The following PREPL variants were observed in gnomAD, a reference collection of about 807,000 sequenced individuals.
PREPL encodes prolyl endopeptidase-like.
A neutral mutation model predicts 70.6 loss-of-function variants in PREPL; 77 were observed. The ratio of observed to expected loss-of-function variants is 1.09; its 90% CI spans 0.91 to 1.32. PREPL has a LOEUF of 1.32. PREPL is among the 40% of genes most tolerant of loss of function. PREPL has a pLI of 0.00. For synonymous variants in PREPL, 315 were observed against 264.8 expected, an observed-to-expected ratio of 1.19 and a Z score of -1.84; for missense variants, 1,002 against 778.2, an observed-to-expected ratio of 1.29 and a Z score of -3.42.
intron 5 of PREPL, 86 bp from the exon 6 acceptor site, chr2:44,339,449 T>A: frequency 6.6e-7 from 1 of 1,519,036 alleles, no homozygotes; most frequent in South Asian, 1.2e-5. Flanking sequence ...AGGTGGTCAG[T>A]ATACATGTTG....
At chr2:44,348,437 T>C (rs1284713579) in intron 1 of PREPL, among the ~76,000 whole-genome samples, 1 of 152,188 alleles carries the variant, frequency 6.6e-6, no homozygotes, top group Non-Finnish European at 1.5e-5. Context: ...GGATTGTCTG[T>C]TCTGTAATTT....
intron 1 of PREPL, among the ~76,000 whole-genome samples, chr2:44,357,994 A>C (rs1677230774): frequency 6.6e-6 from 1 of 152,212 alleles, no homozygotes; most frequent in South Asian, 2.1e-4. Flanking sequence ...GTCTAGGAAG[A>C]CTAGGGGGCT....
intron 11 of PREPL, 99 bp from the exon 12 acceptor site, chr2:44,322,953 A>T: frequency 3.4e-6 from 5 of 1,468,834 alleles, no homozygotes; most frequent in Non-Finnish European, 4.6e-6. Flanking sequence ...TTTTCCCTGT[A>T]AGTGCTCTAT....
rs112927329 is a variant in PREPL, at chr2:44,355,751, TTATATATA to T, written c.-49+5621_-49+5628del. ...TTTGCAAGATATACAAAACTACATA[TTATATATA>T]TATATATATATATATATATACACAC... On this transcript the variant is annotated intron_variant, in intron 1 of 13. Transcript: ENST00000409411. Among the ~76,000 whole-genome samples the T allele has an allele frequency of 5.2e-3, 735 of 141,378 alleles. 7 individuals are homozygous for T. Among genetic ancestry groups the T allele is most frequent in the African/African-American group, 0.018 (682 of 37,774 alleles). 92.7% of individuals were successfully genotyped at this position (141,378 alleles called of 152,430 possible).
Position 44,320,258 on chromosome 2 carries a change from T to G in PREPL, c.*1098A>C, listed in dbSNP as rs753053956. ...TATATCAAGATTTAAGTCTACTTCA[T>G]GCCAATGAGCTACTCCTCAACAGGG... is the stretch of plus-strand genomic sequence containing the variant. On this transcript the variant is annotated 3_prime_UTR_variant, in exon 14 of 14. Transcript: ENST00000409411. 2 of 1,614,120 alleles carry G rather than the reference T, an allele frequency of 1.2e-6. No homozygotes were observed. The highest frequency in any genetic ancestry group is 1.1e-5 in the South Asian group (1 of 91,084).
At chr2:44,344,061 C>A in intron 3 of PREPL, 110 bp from the exon 4 acceptor site, 1 of 1,281,246 alleles carries the variant, frequency 7.8e-7, no homozygotes, top group Non-Finnish European at 1.0e-6. Flanking sequence ...GAGGCCATAT[C>A]CTAGCTTCTT....
chr2:44,322,759 G>A lies in PREPL; in HGVS notation c.1725C>T (p.Ile575=), dbSNP rs775908458. 9.9e-6 allele frequency: 16 copies of A among 1,613,696 alleles called. No homozygotes were observed. The highest frequency in any genetic ancestry group is 5.0e-5 in the Admixed American group (3 of 59,968). ...VSYTEKLKEA[I]AEHAKDTGEG... ...CACCTGTGTCCTTAGCATGCTCCGC[G>A]ATGGCTTCCTTGAGTTTCTCAGTAT... The change falls in exon 12 of 14, where the codon ATC becomes ATT. Residue 575 remains isoleucine (I), a synonymous_variant. Transcript: ENST00000409411.
At chr2:44,327,893 AAAGGACATGATTTTGG>A (rs953137861) in intron 9 of PREPL, among the ~76,000 whole-genome samples, 5 of 151,818 alleles carry the variant, frequency 3.3e-5, no homozygotes, top group African/African-American at 1.2e-4. Context: ...AAAAAAAATA[AAAGGACATGATTTTGG>A]AAGGCTGAGG....
intron 10 of PREPL, among the ~76,000 whole-genome samples, 191 bp from the exon 11 acceptor site, chr2:44,323,602 G>T (rs948170756): frequency 6.6e-6 from 1 of 152,124 alleles, no homozygotes; most frequent in African/African-American, 2.4e-5. Context: ...AAAGTCTTCA[G>T]ATTCCTTAAA....
chr2:44,342,389 G>T, intron 5 of PREPL, 28 bp downstream of exon 5: 2 of 1,563,012 alleles, frequency 1.3e-6, no homozygotes, highest in Non-Finnish European at 1.7e-6. Context: ...GTTCTGGAGA[G>T]AAAGATTTAA....
Position 44,332,585 on chromosome 2 carries a change from G to A in PREPL, c.960C>T (p.Cys320=). The A allele has an allele frequency of 6.2e-7, 1 of 1,613,900 alleles. No individual in the cohort carries two copies. The highest frequency in any genetic ancestry group is 8.5e-7 in the Non-Finnish European group (1 of 1,179,770). The stretch of plus-strand genomic sequence containing the variant: ...AATATTTTGGGGGACGTATTGGAGA[G>A]CAAAGTTGAAAGGGGCAGTTCTTTG... ...SDPKNCPFQL[C]SPIRPPKYYT... Residue 320 remains cysteine, a synonymous_variant, in exon 8 of 14, where the codon TGC becomes TGT. Coordinates refer to ENST00000409411, the MANE Select transcript of PREPL (RefSeq NM_001171613.2).
intron 1 of PREPL, 51 bp from the exon 2 acceptor site, chr2:44,346,441 C>A (rs1429667063): frequency 3.2e-6 from 5 of 1,575,130 alleles, no homozygotes; most frequent in South Asian, 1.1e-5. Context: ...GGAAAAAAAA[C>A]TTTTGCTTTT....
chr2:44,343,684 A>G, intron 4 of PREPL, 61 bp downstream of exon 4: 2 of 1,485,820 alleles, frequency 1.3e-6, no homozygotes, highest in Non-Finnish European at 1.9e-6. Flanking sequence ...CGACAAAAAA[A>G]TGTTTCAAAA....
intron 1 of PREPL, among the ~76,000 whole-genome samples, chr2:44,353,172 G>C (rs966438438): frequency 6.6e-6 from 1 of 152,208 alleles, no homozygotes; most frequent in East Asian, 1.9e-4. Context: ...GAAAGGTACT[G>C]TGAATGAGGC....
intron 10 of PREPL, among the ~76,000 whole-genome samples, chr2:44,323,843 G>A (rs908212468): frequency 6.6e-6 from 1 of 152,130 alleles, no homozygotes; most frequent in Admixed American, 6.5e-5. Flanking sequence ...TAAAATGGGG[G>A]AGCTGCTTTG....
At position 44,328,975 on chromosome 2, in the gene PREPL, C is replaced by G. The variant is rs2103786137; in HGVS notation, c.1224G>C (p.Leu408=). ...KMNFRPERRV[L]VDDGWILAYC... is the part of the protein sequence containing the mutation. ...ATGCTAATATCCATCCATCATCCAC[C>G]AGGACCCGCCTCTCAGGCCTGAAAT... The change falls in exon 9 of 14, where the codon CTG becomes CTC. Residue 408 remains leucine, a synonymous_variant. Transcript: ENST00000409411. 3.1e-6 allele frequency: 5 copies of G among 1,613,920 alleles called. No homozygotes were observed. The highest frequency in any genetic ancestry group is 4.2e-6 in the Non-Finnish European group (5 of 1,179,916).
Position 44,320,580 on chromosome 2 carries a change from T to C in PREPL, c.*776A>G. Reference sequence around the variant, plus strand: ...CCAAACAGCTTTCAGAGATAGATGCTTTGTTTCCAATCGAGCATGCTATTC... The same window carrying C: ...CCAAACAGCTTTCAGAGATAGATGCCTTGTTTCCAATCGAGCATGCTATTC... On this transcript the variant is annotated 3_prime_UTR_variant, in exon 14 of 14. Coordinates refer to ENST00000409411, the MANE Select transcript of PREPL (RefSeq NM_001171613.2). The C allele has an allele frequency of 6.2e-7, 1 of 1,614,056 alleles. No homozygotes were observed.
intron 10 of PREPL, among the ~76,000 whole-genome samples, chr2:44,326,048 C>G (rs1327691218): frequency 6.6e-6 from 1 of 152,206 alleles, no homozygotes; most frequent in Non-Finnish European, 1.5e-5. Context: ...AGTAGCCTGT[C>G]AAGGTGACCA....
rs760492008 is a variant in PREPL at position 44,343,870 on chromosome 2, G to A, written c.224C>T (p.Ala75Val). ...GGCAGCCACATATTTTTCATCTGGA[G>A]CAACTCTGATACAATCAATGAAGGG... is the stretch of plus-strand genomic sequence containing the variant. ...DQPFIDCIRV[A>V]PDEKYVAAKI... is the part of the protein sequence containing the mutation. Residue 75 changes from alanine (A) to valine (V), a missense_variant, in exon 4 of 14, where the codon GCT (alanine) becomes GTT (valine). By Grantham distance (64) the Ala-to-Val change is moderately conservative (BLOSUM62 0). Coordinates refer to ENST00000409411, the MANE Select transcript of PREPL (RefSeq NM_001171613.2). 6 of 1,613,976 alleles carry A rather than the reference G, an allele frequency of 3.7e-6. No individual in the cohort carries two copies. Among genetic ancestry groups the A allele is most frequent in the Admixed American group, 1.7e-5 (1 of 60,000 alleles).
Sources: gnomAD v4.1 joint callset for allele counts (sites outside exome capture counted in the v4.1 genomes callset) on GRCh38, gnomAD v4.1.1 for gene constraint, MANE v1.5 for transcripts, NCBI Gene and HGNC (gene_info 2026-07-23, HGNC 2026-07-21) for gene names.